The following ABCA1 variants were observed in gnomAD, a reference collection of about 807,000 sequenced individuals.
ABCA1 encodes ATP binding cassette subfamily A member 1.
ABCA1 carries 133 observed loss-of-function variants against 262.5 expected under a neutral mutation model. The observed-to-expected ratio is 0.51, with a 90% CI of 0.44 to 0.59. ABCA1 has a LOEUF of 0.59. ABCA1 is among the 20% of genes least tolerant of loss of function. The pLI is 0.00. For synonymous variants in ABCA1, 1,022 were observed against 1,043.5 expected (o/e 0.98, Z 0.40); for missense variants, 2,452 against 2,777.5 (o/e 0.88, Z 2.63).
intron 27 of ABCA1, among the ~76,000 whole-genome samples, chr9:104,813,898 TTA>T (rs1264781685): frequency 2.0e-5 from 3 of 152,196 alleles, no homozygotes; most frequent in African/African-American, 7.2e-5. Flanking sequence ...GGCACCATCT[TTA>T]TGTCTTTAAA....
At chr9:104,905,633 A>T (rs1228916763) in intron 1 of ABCA1, among the ~76,000 whole-genome samples, 1 of 152,260 alleles carries the variant, frequency 6.6e-6, no homozygotes, top group Non-Finnish European at 1.5e-5. Flanking sequence ...CTGGCAGCAC[A>T]GCACTGGCAA....
At position 104,882,114 on chromosome 9, in the gene ABCA1, T is replaced by C. The variant is rs549841089; in HGVS notation, c.421+925A>G. ...CTTTATCATTTCTTCTTTTGCCAAA[T>C]AGAAAACAAACTGGTAGGCCTTTCA... On this transcript the variant is annotated intron_variant, in intron 5 of 49. Coordinates refer to ENST00000374736, the MANE Select transcript of ABCA1 (RefSeq NM_005502.4). Among the ~76,000 whole-genome samples, 6 of 140,052 alleles carry C rather than the reference T, an allele frequency of 4.3e-5. No homozygotes were observed. The East Asian group carries it at 6.5e-4, about 15-fold the overall frequency. The allele number at this position is 140,052 out of a possible 152,430, so 91.9% of individuals were successfully genotyped here. A position where few individuals can be genotyped will look rare whatever the true frequency, so the allele number is the denominator to read the frequency against.
chr9:104,923,617 TAAAG>T (rs1842266878), intron 1 of ABCA1, among the ~76,000 whole-genome samples: 1 of 152,202 alleles, frequency 6.6e-6, no homozygotes, highest in Non-Finnish European at 1.5e-5. Context: ...GTGCTGGAGT[TAAAG>T]AACTCTGGCT....
At chr9:104,831,152 A>G (rs776166826) in intron 13 of ABCA1, 51 bp from the exon 14 acceptor site, 3 of 937,458 alleles carry the variant, frequency 3.2e-6, no homozygotes, top group South Asian at 3.8e-5. Context: ...CATACAATAA[A>G]AAAAAAAAAA....
intron 1 of ABCA1, among the ~76,000 whole-genome samples, chr9:104,914,439 G>T (rs1047603995): frequency 6.6e-6 from 1 of 151,402 alleles, no homozygotes. Flanking sequence ...GGCAGAGGTT[G>T]CAGTGAGCCG....
chr9:104,862,646 G>GGCAGC (rs1418865028), intron 5 of ABCA1, among the ~76,000 whole-genome samples: 856 of 2,886 alleles, frequency 0.3, 178 homozygotes, highest in South Asian at 0.44. Context: ...GGCCGGGCCG[G>GGCAGC]GCCGGGCCGG....
rs569606094 is a variant in ABCA1 at position 104,912,549 on chromosome 9, C to A, written c.-92-8778G>T. ...ATGGTCTCAGGGCTTCTAAACCTCA[C>A]AAGAGCCAGGATTTCTGAAAGCAGA... On this transcript the variant is annotated intron_variant, in intron 1 of 49. Transcript: ENST00000374736. Among the ~76,000 whole-genome samples the A allele has an allele frequency of 3.9e-5, 6 of 152,326 alleles. No individual in the cohort carries two copies. The South Asian group carries it at 1.0e-3, about 26-fold the overall frequency.
intron 1 of ABCA1, among the ~76,000 whole-genome samples, chr9:104,925,195 G>C (rs1842358717): frequency 6.6e-6 from 1 of 152,140 alleles, no homozygotes; most frequent in South Asian, 2.1e-4. Context: ...TGGCCAACAT[G>C]GTGAAACTCT....
rs1320210203 is a variant in ABCA1, at chr9:104,889,209, A to C, written c.67-14T>G. 1.2e-6 allele frequency: 2 copies of C among 1,612,618 alleles called. No individual in the cohort carries two copies. The highest frequency in any genetic ancestry group is 1.7e-6 in the Non-Finnish European group (2 of 1,178,824). On this transcript the variant is annotated splice_polypyrimidine_tract_variant and intron_variant, in intron 2 of 49. Transcript: ENST00000374736. ...CAGCAGCTGACACTGAGTGGGAAAT[A>C]AGATAGAACACTGTAAATTTAAAAA...
chr9:104,847,229 C>T (rs933201200), intron 7 of ABCA1, among the ~76,000 whole-genome samples: 2 of 152,176 alleles, frequency 1.3e-5, no homozygotes, highest in Non-Finnish European at 2.9e-5. Flanking sequence ...TCTTGTCACT[C>T]ACTCTCCCCC....
rs760854052 is a variant in ABCA1 at position 104,818,872 on chromosome 9, T to C, written c.3253A>G (p.Ile1085Val). ...TCATCCATGTGGTGTGTAGAGAGAA[T>C]AATGGTGCGGCCTGCCAGGCACAAA... Reference protein sequence around the residue: ...LLKYRQGRTIILSTHHMDEAD... With the variant: ...LLKYRQGRTIVLSTHHMDEAD... The change falls in exon 23 of 50, where the codon ATT becomes GTT. Residue 1085 changes from isoleucine to valine, a missense_variant. Physicochemically the swap from Ile to Val is conservative, Grantham distance 29 (BLOSUM62 3). Coordinates refer to ENST00000374736, the MANE Select transcript of ABCA1 (RefSeq NM_005502.4). 1.4e-5 allele frequency: 23 copies of C among 1,613,030 alleles called. No homozygotes were observed. Among genetic ancestry groups the C allele is most frequent in the African/African-American group, 2.7e-5 (2 of 74,856 alleles).
rs200057994 is a variant in ABCA1, at chr9:104,905,965, AG to A, written c.-92-2195del. 8.3e-3 allele frequency among the ~76,000 whole-genome samples: 1,257 copies of A among 152,344 alleles called. 11 individuals carry two copies. The highest frequency in any genetic ancestry group is 0.029 in the African/African-American group (1,192 of 41,586). ...GCATCAATTTCCTCATGGTAAAATA[AG>A]GATGACAATACTTACCTTGTATGGT... On this transcript the variant is annotated intron_variant, in intron 1 of 49. Coordinates refer to ENST00000374736, the MANE Select transcript of ABCA1 (RefSeq NM_005502.4).
chr9:104,880,801 C>T (rs1451756699), intron 5 of ABCA1, among the ~76,000 whole-genome samples: 2 of 152,236 alleles, frequency 1.3e-5, no homozygotes, highest in Non-Finnish European at 1.5e-5. Context: ...CTGCACACTA[C>T]TGTAGGGTTT....
chr9:104,897,947 G>C (rs1016654403), intron 2 of ABCA1, among the ~76,000 whole-genome samples: 15 of 152,276 alleles, frequency 9.9e-5, no homozygotes, highest in African/African-American at 3.4e-4. Context: ...AACAGAAATT[G>C]CAACGCATAC....
chr9:104,892,288 CT>C (rs1352288144), intron 2 of ABCA1, among the ~76,000 whole-genome samples: 1 of 150,480 alleles, frequency 6.6e-6, no homozygotes, highest in African/African-American at 2.4e-5. Flanking sequence ...TCAGCCTTTT[CT>C]TTTTTTTTAA....
At chr9:104,863,373 G>A (rs182992669) in intron 5 of ABCA1, among the ~76,000 whole-genome samples, 1 of 152,142 alleles carries the variant, frequency 6.6e-6, no homozygotes, top group Non-Finnish European at 1.5e-5. Context: ...AGCTCATCAG[G>A]ACCACATGAA....
chr9:104,865,533 GAATTT>G (rs1837017441), intron 5 of ABCA1, among the ~76,000 whole-genome samples: 2 of 139,158 alleles, frequency 1.4e-5, no homozygotes, highest in African/African-American at 5.8e-5. Flanking sequence ...AAAAAAAAAA[GAATTT>G]AATAAAATTT....
At chr9:104,871,543 A>G (rs1837608029) in intron 5 of ABCA1, among the ~76,000 whole-genome samples, 1 of 152,158 alleles carries the variant, frequency 6.6e-6, no homozygotes, top group Non-Finnish European at 1.5e-5. Context: ...TGAAGCTCAG[A>G]AGGAAATGGA....
chr9:104,804,052 C>T (rs1208250663), intron 32 of ABCA1, among the ~76,000 whole-genome samples: 2 of 152,174 alleles, frequency 1.3e-5, no homozygotes, highest in Admixed American at 1.3e-4. Flanking sequence ...CTGAAAGACC[C>T]CAACTGACCA....
Sources: allele counts gnomAD v4.1 joint callset (sites outside exome capture counted in the v4.1 genomes callset), GRCh38; gene constraint gnomAD v4.1.1; transcripts MANE v1.5; gene names NCBI Gene and HGNC (gene_info 2026-07-23, HGNC 2026-07-21).